LRRIQ1: variants seen among roughly 807,000 people sequenced by gnomAD.
LRRIQ1 encodes leucine rich repeats and IQ motif containing 1.
Under a neutral mutation model 211.9 loss-of-function variants are expected in LRRIQ1, and 210 were observed. The ratio of observed to expected loss-of-function variants is 0.99; its 90% CI spans 0.89 to 1.11. The LOEUF is 1.11. LRRIQ1 is among the 50% of genes most tolerant of loss of function. The pLI is 0.00. For missense variants in LRRIQ1, 2,136 were observed against 1,939.5 expected, an observed-to-expected ratio of 1.10 and a Z score of -1.90; for synonymous variants, 699 against 650.1, an observed-to-expected ratio of 1.08 and a Z score of -1.14.
intron 24 of LRRIQ1, among the ~76,000 whole-genome samples, chr12:85,207,702 G>A (rs1893629886): frequency 6.6e-6 from 1 of 152,124 alleles, no homozygotes; most frequent in South Asian, 2.1e-4. Context: ...TATTTTGAAG[G>A]GTGTGAGATC....
exon 2 of LRRIQ1, chr12:85,264,431 T>TGGA (rs1361497107): frequency 1.3e-5 from 2 of 152,048 alleles, no homozygotes; most frequent in African/African-American, 4.8e-5. Context: ...ATGATTGATA[T>TGGA]ATATGTCAAT....
intron 24 of LRRIQ1, among the ~76,000 whole-genome samples, chr12:85,162,528 C>A (rs777219057): frequency 4.6e-4 from 70 of 152,264 alleles, no homozygotes; most frequent in Non-Finnish European, 5.6e-4. Flanking sequence ...TAAAGAGAAT[C>A]TATCCTAATA....
chr12:85,061,124 A>C (rs887818180), intron 8 of LRRIQ1, among the ~76,000 whole-genome samples: 1 of 151,830 alleles, frequency 6.6e-6, no homozygotes, highest in Non-Finnish European at 1.5e-5. Flanking sequence ...GCCACAGGCT[A>C]GGGAAGTTCA....
At chr12:85,189,762 T>A (rs981527099) in intron 24 of LRRIQ1, among the ~76,000 whole-genome samples, 1 of 147,268 alleles carries the variant, frequency 6.8e-6, no homozygotes, top group Non-Finnish European at 1.5e-5. Context: ...AGATTAAAAA[T>A]ATATATAATA....
chr12:85,042,367 G>A (rs532835995), intron 3 of LRRIQ1, among the ~76,000 whole-genome samples: 22 of 148,440 alleles, frequency 1.5e-4, no homozygotes, highest in African/African-American at 7.4e-5. Flanking sequence ...ATTTAAAATC[G>A]TTAATTATTT....
At chr12:85,116,038 T>G (rs1887547836) in intron 15 of LRRIQ1, among the ~76,000 whole-genome samples, 1 of 152,242 alleles carries the variant, frequency 6.6e-6, no homozygotes, top group South Asian at 2.1e-4. Context: ...ACTCTTTATG[T>G]AAAACAAGTG....
chr12:85,117,739 T>G (rs1887685357), intron 15 of LRRIQ1, among the ~76,000 whole-genome samples: 1 of 152,210 alleles, frequency 6.6e-6, no homozygotes, highest in Non-Finnish European at 1.5e-5. Flanking sequence ...AGTATCTTCT[T>G]TTTGATACTG....
intron 8 of LRRIQ1, among the ~76,000 whole-genome samples, chr12:85,059,185 G>A (rs1881490215): frequency 6.6e-6 from 1 of 151,920 alleles, no homozygotes; most frequent in Admixed American, 6.6e-5. Context: ...CCATCCTTGG[G>A]ATGTCCTTCT....
intron 24 of LRRIQ1, among the ~76,000 whole-genome samples, chr12:85,183,492 C>G (rs911378652): frequency 6.6e-6 from 1 of 151,912 alleles, no homozygotes; most frequent in African/African-American, 2.4e-5. Context: ...CCAAATTCTC[C>G]TTGATTTTTT....
intron 24 of LRRIQ1, among the ~76,000 whole-genome samples, chr12:85,168,652 A>G (rs1891267773): frequency 6.6e-6 from 1 of 152,106 alleles, no homozygotes; most frequent in Non-Finnish European, 1.5e-5. Flanking sequence ...GGACCTGTGA[A>G]TCCTGGCTAT....
intron 24 of LRRIQ1, among the ~76,000 whole-genome samples, chr12:85,196,995 A>G (rs1442153464): frequency 6.6e-6 from 1 of 150,906 alleles, no homozygotes; most frequent in Non-Finnish European, 1.5e-5. Context: ...AAAACAAACA[A>G]CCCCATCAAA....
intron 24 of LRRIQ1, among the ~76,000 whole-genome samples, chr12:85,178,138 C>A (rs968960144): frequency 6.6e-6 from 1 of 151,922 alleles, no homozygotes; most frequent in African/African-American, 2.4e-5. Flanking sequence ...ATTGGTGTCC[C>A]ATTTCCTTTT....
At chr12:85,177,418 AGAGACAT>A (rs1392254076) in intron 24 of LRRIQ1, among the ~76,000 whole-genome samples, 2 of 151,984 alleles carry the variant, frequency 1.3e-5, no homozygotes, top group African/African-American at 4.8e-5. Flanking sequence ...AATCTAGCCC[AGAGACAT>A]GAGGGAAGAA....
At chr12:85,230,925 T>G (rs1894906402) in intron 25 of LRRIQ1, among the ~76,000 whole-genome samples, 2 of 151,926 alleles carry the variant, frequency 1.3e-5, no homozygotes, top group Admixed American at 6.6e-5. Flanking sequence ...AGGGGGCGCC[T>G]GTAGTCCCAG....
At chr12:85,260,128 T>TA (rs1896241481) in intron 1 of LRRIQ1, among the ~76,000 whole-genome samples, 1 of 67,714 alleles carries the variant, frequency 1.5e-5, no homozygotes, top group East Asian at 2.4e-4. Flanking sequence ...TTCATGTTGG[T>TA]TAAAAAAAAA....
At chr12:85,239,301 G>A (rs757696978) in intron 26 of LRRIQ1, among the ~76,000 whole-genome samples, 2 of 150,880 alleles carry the variant, frequency 1.3e-5, no homozygotes, top group Non-Finnish European at 2.9e-5. Context: ...AGTAAGACTC[G>A]TGCTACACAG....
chr12:85,249,651 G>T (rs1309184821), downstream of LRRIQ1, among the ~76,000 whole-genome samples: 3 of 151,804 alleles, frequency 2.0e-5, no homozygotes, highest in Non-Finnish European at 4.4e-5. Flanking sequence ...GTGAATAAAT[G>T]AATATATGAG....
At chr12:85,225,970 T>G (rs1488343267) in intron 24 of LRRIQ1, among the ~76,000 whole-genome samples, 2 of 152,192 alleles carry the variant, frequency 1.3e-5, no homozygotes, top group African/African-American at 4.8e-5. Context: ...ATCCAGCCAA[T>G]TTCACCACTA....
intron 24 of LRRIQ1, among the ~76,000 whole-genome samples, chr12:85,169,934 A>C (rs905724008): frequency 1.3e-5 from 2 of 152,150 alleles, no homozygotes; most frequent in African/African-American, 4.8e-5. Flanking sequence ...ATGACATCTT[A>C]TAATTAAAAC....
Sources: gnomAD v4.1 joint callset for allele counts (sites outside exome capture counted in the v4.1 genomes callset) on GRCh38, gnomAD v4.1.1 for gene constraint, MANE v1.5 for transcripts, NCBI Gene and HGNC (gene_info 2026-07-23, HGNC 2026-07-21) for gene names.